Variants in TFEC observed in about 807,000 individuals in gnomAD.
TFEC encodes the protein transcription factor EC.
Under a neutral mutation model 41.6 loss-of-function variants are expected in TFEC, and 31 were observed. The observed-to-expected ratio is 0.74, with a 90% CI of 0.56 to 1.01. TFEC has a LOEUF of 1.01. TFEC is among the 50% of genes least tolerant of loss of function. The probability of loss-of-function intolerance (pLI) is 0.00; values close to 1 mark genes in which losing one functional copy is unlikely to be tolerated. For missense variants in TFEC, 402 were observed against 404.1 expected (o/e 0.99, Z 0.04); for synonymous variants, 143 against 140.6 (o/e 1.02, Z -0.12).
intron 3 of TFEC, among the ~76,000 whole-genome samples, chr7:116,042,184 T>C (rs1027841316): frequency 6.6e-6 from 1 of 152,104 alleles, no homozygotes; most frequent in Non-Finnish European, 1.5e-5. Context: ...ATAAATGCAA[T>C]CCCACAGTTA....
At chr7:115,986,328 T>C (rs1462181690) in intron 1 of TFEC, among the ~76,000 whole-genome samples, 2 of 152,166 alleles carry the variant, frequency 1.3e-5, no homozygotes, top group Non-Finnish European at 2.9e-5. Context: ...GTATCCCTAT[T>C]GCACTATATA....
At chr7:116,157,770 C>T (rs1038382425) in intron 1 of TFEC, among the ~76,000 whole-genome samples, 5 of 152,110 alleles carry the variant, frequency 3.3e-5, no homozygotes, top group African/African-American at 9.7e-5. Flanking sequence ...GGTCCAGGCC[C>T]ACTTTGTTTT....
intron 1 of TFEC, among the ~76,000 whole-genome samples, chr7:116,152,274 T>A (rs557344389): frequency 1.3e-5 from 2 of 152,210 alleles, no homozygotes; most frequent in East Asian, 3.9e-4. Context: ...AGAAGCATGA[T>A]CCTGATAAAA....
Position 116,030,653 on chromosome 7 carries a change from C to T in TFEC, c.-93G>A. On this transcript the variant is annotated 5_prime_UTR_variant, in exon 1 of 8. Transcript: ENST00000265440. ...CCTACCAGCAATGAGTGGATTTTATCAGTGTTGTCATCTCTACAAACAGCA... is the reference window on the plus strand; with the variant it reads ...CCTACCAGCAATGAGTGGATTTTATTAGTGTTGTCATCTCTACAAACAGCA... 1.0e-6 allele frequency: 1 copy of T among 985,378 alleles called. No homozygotes were observed. The highest frequency in any genetic ancestry group is 1.2e-6 in the Non-Finnish European group (1 of 829,920). 61.0% of individuals were successfully genotyped at this position (985,378 alleles called of 1,614,324 possible).
intron 1 of TFEC, among the ~76,000 whole-genome samples, chr7:116,139,504 ATTG>A (rs1339857899): frequency 3.9e-5 from 6 of 152,246 alleles, no homozygotes; most frequent in African/African-American, 1.4e-4. Context: ...CTAGAATTTT[ATTG>A]TTATTATTTA....
At chr7:115,966,374 A>T (rs933422196) in intron 3 of TFEC, among the ~76,000 whole-genome samples, 5 of 151,682 alleles carry the variant, frequency 3.3e-5, no homozygotes, top group Non-Finnish European at 7.4e-5. Context: ...TTTTTTTAAG[A>T]AGATAATAAA....
chr7:116,018,565 A>G (rs1446633492), intron 1 of TFEC, among the ~76,000 whole-genome samples: 1 of 152,214 alleles, frequency 6.6e-6, no homozygotes, highest in Non-Finnish European at 1.5e-5. Context: ...CTTTGGGAAG[A>G]TCATTCTACT....
intron 7 of TFEC, 112 bp downstream of exon 7, chr7:115,941,781 A>G: frequency 1.4e-6 from 2 of 1,409,020 alleles, no homozygotes. Flanking sequence ...TATCCTTCAA[A>G]AGGAAAAATA....
At chr7:116,040,602 T>A (rs1452702802) in intron 3 of TFEC, among the ~76,000 whole-genome samples, 3 of 152,206 alleles carry the variant, frequency 2.0e-5, no homozygotes, top group African/African-American at 7.2e-5. Flanking sequence ...TAATAATCTA[T>A]CATAATGTCC....
chr7:115,991,552 C>CA (rs559351914), intron 1 of TFEC, among the ~76,000 whole-genome samples: 19 of 150,606 alleles, frequency 1.3e-4, no homozygotes, highest in African/African-American at 2.4e-4. Flanking sequence ...AAATGGAAAA[C>CA]AAAAAAAAGG....
intron 6 of TFEC, among the ~76,000 whole-genome samples, chr7:115,950,577 T>G (rs1791882716): frequency 6.6e-6 from 1 of 152,114 alleles, no homozygotes; most frequent in Non-Finnish European, 1.5e-5. Flanking sequence ...TAAGTAGTAT[T>G]TGACATTATC....
intron 3 of TFEC, among the ~76,000 whole-genome samples, chr7:115,968,000 A>G (rs1282866988): frequency 2.6e-5 from 4 of 151,804 alleles, no homozygotes; most frequent in African/African-American, 9.7e-5. Context: ...ACTATAGTCC[A>G]GAGCACTAAA....
chr7:115,995,000 T>C (rs1199982659), intron 1 of TFEC, among the ~76,000 whole-genome samples: 2 of 152,100 alleles, frequency 1.3e-5, no homozygotes, highest in Admixed American at 1.3e-4. Context: ...ATATCCACCA[T>C]GGAATATTAT....
At chr7:115,952,499 G>C (rs1327832980) in intron 5 of TFEC, among the ~76,000 whole-genome samples, 1 of 152,024 alleles carries the variant, frequency 6.6e-6, no homozygotes, top group Non-Finnish European at 1.5e-5. Context: ...AGGAAGTTCA[G>C]AGATTTTTTT....
chr7:115,969,076 T>C (rs1012709239), intron 3 of TFEC, among the ~76,000 whole-genome samples: 6 of 151,790 alleles, frequency 4.0e-5, no homozygotes, highest in African/African-American at 1.5e-4. Context: ...TATTCCTGAA[T>C]AGGAATTATA....
In TFEC at chr7:116,020,255, A is replaced by AT. The variant is rs990544189; in HGVS notation, c.-73+10377dup. 5.3e-5 allele frequency among the ~76,000 whole-genome samples: 8 copies of AT among 152,076 alleles called. No individual in the cohort carries two copies. The South Asian group carries it at 1.0e-3, about 20-fold the overall frequency. On this transcript the variant is annotated intron_variant, in intron 1 of 7. Transcript: ENST00000265440. ...CAAAGCTTTTGCTTTCCAAATTAAC[A>AT]TTTTTTTTCTAAATGAGAATACCTT...
chr7:116,132,091 T>G (rs1163050345), intron 1 of TFEC, among the ~76,000 whole-genome samples: 1 of 152,194 alleles, frequency 6.6e-6, no homozygotes, highest in African/African-American at 2.4e-5. Flanking sequence ...TCATAAAGTA[T>G]GCTGTTTCCC....
upstream of TFEC, among the ~76,000 whole-genome samples, chr7:116,035,608 A>C (rs577834734): frequency 2.0e-5 from 3 of 152,234 alleles, no homozygotes; most frequent in East Asian, 5.8e-4. Context: ...AAAAAAGTAA[A>C]GAAGGATTTG....
In TFEC at chr7:115,993,069, C is replaced by T. The variant is rs1023058974; in HGVS notation, c.-72-8556G>A. Among the ~76,000 whole-genome samples, 8 of 152,024 alleles carry T rather than the reference C, an allele frequency of 5.3e-5. No individual in the cohort carries two copies. The South Asian group carries it at 6.2e-4, about 12-fold the overall frequency. ...TTCAACATACGCAAAAATCAATAAA[C>T]GTAATTCATCATATAAACAGAACCA... is the stretch of plus-strand genomic sequence containing the variant. On this transcript the variant is annotated intron_variant, in intron 1 of 7. Transcript: ENST00000265440.
Sources: allele counts gnomAD v4.1 joint callset (sites outside exome capture counted in the v4.1 genomes callset), GRCh38; gene constraint gnomAD v4.1.1; transcripts MANE v1.5; gene names NCBI Gene and HGNC (gene_info 2026-07-23, HGNC 2026-07-21).